SAMSN1: variants seen among roughly 807,000 people sequenced by gnomAD.
SAMSN1 encodes the protein SAM domain, SH3 domain and nuclear localization signals 1.
In SAMSN1, 31 loss-of-function variants were observed where a neutral mutation model predicts 42.0. The ratio of observed to expected loss-of-function variants is 0.74; its 90% CI spans 0.55 to 1.00. The LOEUF is 1.00. SAMSN1 is among the 50% of genes least tolerant of loss of function. The probability of loss-of-function intolerance (pLI) is 0.00; values close to 1 mark genes in which losing one functional copy is unlikely to be tolerated. For synonymous variants in SAMSN1, 178 were observed against 151.9 expected, an observed-to-expected ratio of 1.17 and a Z score of -1.26; for missense variants, 464 against 439.4, an observed-to-expected ratio of 1.06 and a Z score of -0.50.
intron 1 of SAMSN1, among the ~76,000 whole-genome samples, chr21:14,651,030 G>A (rs1186648615): frequency 6.6e-6 from 1 of 151,676 alleles, no homozygotes; most frequent in African/African-American, 2.4e-5. Flanking sequence ...TCAAAGCCAT[G>A]AAAAAAGAAA....
intron 2 of SAMSN1, among the ~76,000 whole-genome samples, chr21:14,626,853 A>G (rs1422533601): frequency 2.6e-5 from 4 of 152,212 alleles, no homozygotes; most frequent in Non-Finnish European, 5.9e-5. Context: ...CACTATTCAC[A>G]ATAGCAAAGA....
intron 1 of SAMSN1, among the ~76,000 whole-genome samples, chr21:14,533,244 G>T (rs1600904383): frequency 6.6e-6 from 1 of 151,960 alleles, no homozygotes; most frequent in Admixed American, 6.6e-5. Context: ...AATAGCAGTA[G>T]CATAACTGTA....
intron 2 of SAMSN1, among the ~76,000 whole-genome samples, chr21:14,625,225 G>A (rs886620194): frequency 6.6e-6 from 1 of 152,074 alleles, no homozygotes; most frequent in African/African-American, 2.4e-5. Flanking sequence ...CACAAGACAG[G>A]GATGCCCTCT....
intron 1 of SAMSN1, among the ~76,000 whole-genome samples, chr21:14,655,714 G>A (rs1446473527): frequency 6.6e-6 from 1 of 151,662 alleles, no homozygotes; most frequent in Non-Finnish European, 1.5e-5. Context: ...ATAATTATAT[G>A]AGCATTAGAA....
At chr21:14,606,574 T>C (rs1982576380) in intron 5 of SAMSN1, among the ~76,000 whole-genome samples, 1 of 152,168 alleles carries the variant, frequency 6.6e-6, no homozygotes, top group African/African-American at 2.4e-5. Context: ...AAAATAAATA[T>C]TATAAATATT....
intron 1 of SAMSN1, among the ~76,000 whole-genome samples, chr21:14,647,165 T>C (rs997960678): frequency 5.9e-5 from 9 of 152,220 alleles, no homozygotes; most frequent in African/African-American, 4.8e-5. Context: ...ATCTGTTGCC[T>C]GCAAGAAACA....
chr21:14,658,836 CTT>C (rs933868357), upstream of SAMSN1: 10 of 713,548 alleles, frequency 1.4e-5, no homozygotes, highest in African/African-American at 1.8e-4. Context: ...GTAGCTCTCT[CTT>C]GCCTTCACAG....
intron 3 of SAMSN1, among the ~76,000 whole-genome samples, chr21:14,613,749 G>C (rs984628479): frequency 6.6e-6 from 1 of 151,916 alleles, no homozygotes; most frequent in African/African-American, 2.4e-5. Context: ...TAGACGTAAA[G>C]CTTACAATAC....
At chr21:14,597,101 T>C (rs115724749) in intron 6 of SAMSN1, among the ~76,000 whole-genome samples, 1,546 of 152,286 alleles carry the variant, frequency 0.01, 33 homozygotes, top group African/African-American at 0.036. Context: ...TGGTTGACAC[T>C]GTCATTTTGG....
chr21:14,513,126 AG>A (rs556253895), intron 3 of SAMSN1, among the ~76,000 whole-genome samples: 19 of 152,376 alleles, frequency 1.2e-4, no homozygotes, highest in South Asian at 1.0e-3. Context: ...TAGTCAAGTG[AG>A]AAGCAAATCT....
chr21:14,599,505 T>C (rs1451386946), intron 6 of SAMSN1, among the ~76,000 whole-genome samples: 4 of 152,134 alleles, frequency 2.6e-5, no homozygotes, highest in Non-Finnish European at 5.9e-5. Context: ...TAGCCTCGGG[T>C]ATTTCTTCAT....
At chr21:14,507,673 G>A (rs1049107797) in intron 5 of SAMSN1, among the ~76,000 whole-genome samples, 9 of 151,952 alleles carry the variant, frequency 5.9e-5, no homozygotes, top group South Asian at 2.1e-4. Flanking sequence ...TACCACCATC[G>A]TTCTTCACAG....
At chr21:14,572,542 C>T (rs1325618774) in intron 2 of SAMSN1, among the ~76,000 whole-genome samples, 7 of 152,284 alleles carry the variant, frequency 4.6e-5, no homozygotes, top group African/African-American at 1.7e-4. Flanking sequence ...ATCAGCTCTG[C>T]CATCATGTGC....
intron 2 of SAMSN1, among the ~76,000 whole-genome samples, chr21:14,577,254 ATATATATATATATATATATATATATATAT>A (rs1981513846): frequency 1.0e-4 from 4 of 38,516 alleles, no homozygotes; most frequent in Non-Finnish European, 1.8e-4. Context: ...ATATATATAT[ATATATATATATATATATATATATATATAT>A]ATTTTTTTTT....
chr21:14,604,840 C>T (rs1484463366), intron 5 of SAMSN1, among the ~76,000 whole-genome samples: 1 of 152,238 alleles, frequency 6.6e-6, no homozygotes, highest in Non-Finnish European at 1.5e-5. Context: ...TGTCGAAGTC[C>T]TCCCCAGTCA....
intron 7 of SAMSN1, among the ~76,000 whole-genome samples, chr21:14,497,530 C>T (rs1416173670): frequency 1.3e-5 from 2 of 152,048 alleles, no homozygotes; most frequent in Non-Finnish European, 2.9e-5. Context: ...AGGCGGAGGT[C>T]GCGGTGAGCC....
intron 4 of SAMSN1, 99 bp from the exon 5 acceptor site, chr21:14,510,560 T>G: frequency 7.3e-7 from 1 of 1,368,902 alleles, no homozygotes; most frequent in Non-Finnish European, 1.0e-6. Context: ...GAACACTGGA[T>G]GCCAGGCTCC....
intron 2 of SAMSN1, among the ~76,000 whole-genome samples, chr21:14,627,263 A>T (rs1006498746): frequency 1.1e-5 from 1 of 93,988 alleles, no homozygotes; most frequent in Admixed American, 1.3e-4. Flanking sequence ...GTACCCTAGA[A>T]CTTAAAGTAT....
chr21:14,608,381 G>A (rs1169786946), intron 5 of SAMSN1, among the ~76,000 whole-genome samples: 1 of 152,150 alleles, frequency 6.6e-6, no homozygotes, highest in Non-Finnish European at 1.5e-5. Context: ...GCAACACAGG[G>A]CAAAATTCAG....
Sources: allele counts gnomAD v4.1 joint callset (sites outside exome capture counted in the v4.1 genomes callset), GRCh38; gene constraint gnomAD v4.1.1; transcripts MANE v1.5; gene names NCBI Gene and HGNC (gene_info 2026-07-23, HGNC 2026-07-21).